The following RUNX1 variants were observed in gnomAD, a reference collection of about 807,000 sequenced individuals.
The protein encoded by RUNX1 is RUNX family transcription factor 1, also known as runt-related transcription factor 1.
RUNX1 carries 19 observed loss-of-function variants against 42.8 expected under a neutral mutation model. The observed-to-expected ratio is 0.44, with a 90% CI of 0.31 to 0.65. The LOEUF (loss-of-function observed/expected upper bound fraction) is 0.65. Ranked by LOEUF, RUNX1 falls within the 30% of genes least tolerant of loss-of-function variation. The probability of loss-of-function intolerance (pLI) is 0.07; values close to 1 mark genes in which losing one functional copy is unlikely to be tolerated. For missense variants in RUNX1, 528 were observed against 672.0 expected, an observed-to-expected ratio of 0.79 and a Z score of 2.37; for synonymous variants, 271 against 289.4, an observed-to-expected ratio of 0.94 and a Z score of 0.64.
chr21:34,942,859 C>A (rs1422968957), intron 2 of RUNX1, among the ~76,000 whole-genome samples: 1 of 152,192 alleles, frequency 6.6e-6, no homozygotes, highest in Non-Finnish European at 1.5e-5. Flanking sequence ...AGTGAGGCAG[C>A]AAGTGAGCTT....
chr21:34,918,127 C>CAAA (rs71324335), intron 2 of RUNX1, among the ~76,000 whole-genome samples: 1,976 of 70,682 alleles, frequency 0.028, 104 homozygotes, highest in African/African-American at 0.1. Flanking sequence ...GACTCTGTCT[C>CAAA]AAAAAAAAAA....
At position 34,792,010 on chromosome 21, in the gene RUNX1, C is replaced by T; in HGVS notation, c.*125G>A. The T allele has an allele frequency of 1.7e-6, 1 of 574,380 alleles. No homozygotes were observed. The highest frequency in any genetic ancestry group is 2.8e-6 in the Non-Finnish European group (1 of 358,510). The allele number at this position is 574,380 out of a possible 1,614,324, so 35.6% of individuals were successfully genotyped here. On this transcript the variant is annotated 3_prime_UTR_variant, in exon 9 of 9. Transcript: ENST00000675419. This position sits in a 1 kb window ranked among gnomAD's most constrained non-coding sequence, Gnocchi z 6.9. ...CGAGATCCTGGCCGTCGGGCGCCCT[C>T]GGCCCCAGGACGGTGGCCGGGCCCA... is the stretch of plus-strand genomic sequence containing the variant.
chr21:34,891,910 G>T (rs1423359456), intron 3 of RUNX1, among the ~76,000 whole-genome samples: 1 of 152,110 alleles, frequency 6.6e-6, no homozygotes, highest in African/African-American at 2.4e-5. Flanking sequence ...CAGTAACAGT[G>T]CATTGACGTT....
rs2057267523 is a variant in RUNX1 at position 34,843,229 on chromosome 21, A to G, written c.614-8628T>C. On this transcript the variant is annotated intron_variant, in intron 6 of 8. Coordinates refer to ENST00000675419, the MANE Select transcript of RUNX1 (RefSeq NM_001754.5). The surrounding 1 kb of genome is among the most constrained non-coding windows in gnomAD (Gnocchi z 4.8). ...CTGGACACACACACAGATATAAAAC[A>G]CACATGGGGATACACACATATAAAT... Among the ~76,000 whole-genome samples, 1 of 152,030 alleles carries G rather than the reference A, an allele frequency of 6.6e-6. No homozygotes were observed. Among genetic ancestry groups the G allele is most frequent in the African/African-American group, 2.4e-5 (1 of 41,386 alleles).
chr21:34,919,442 A>G (rs756458655), intron 2 of RUNX1, among the ~76,000 whole-genome samples: 6 of 152,070 alleles, frequency 3.9e-5, no homozygotes, highest in Non-Finnish European at 8.8e-5. Flanking sequence ...TTCTTGACCT[A>G]CTGACTTACT....
intron 2 of RUNX1, among the ~76,000 whole-genome samples, chr21:34,993,995 G>C (rs1006273043): frequency 6.6e-6 from 1 of 152,210 alleles, no homozygotes; most frequent in African/African-American, 2.4e-5. Flanking sequence ...CAAGCAAGTG[G>C]TTTTGGGGAA....
chr21:34,823,184 G>A (rs956103668), intron 7 of RUNX1, among the ~76,000 whole-genome samples: 5 of 152,226 alleles, frequency 3.3e-5, no homozygotes, highest in African/African-American at 9.7e-5. Flanking sequence ...CTGACTCAGC[G>A]AGGGCCTTGA....
chr21:35,031,070 C>T (rs529301513), intron 2 of RUNX1, among the ~76,000 whole-genome samples: 5 of 152,264 alleles, frequency 3.3e-5, no homozygotes, highest in East Asian at 1.9e-4. Context: ...AAGAGATGGC[C>T]GGGTGCGGTG....
In RUNX1 at chr21:34,888,710, G is replaced by A; in HGVS notation, c.98-1614C>T. Reference sequence around the variant, plus strand: ...TCTATGAATGAGAGTGCCTGGAAATGAACGTGCTTTTACTGTAAGCCCGGC... The same window carrying A: ...TCTATGAATGAGAGTGCCTGGAAATAAACGTGCTTTTACTGTAAGCCCGGC... On this transcript the variant is annotated intron_variant, in intron 3 of 8. Transcript: ENST00000675419. 4 of 1,032,688 alleles carry A rather than the reference G, an allele frequency of 3.9e-6. No individual in the cohort carries two copies. The South Asian group carries it at 1.8e-4, about 48-fold the overall frequency. The allele number at this position is 1,032,688 out of a possible 1,614,324, so 64.0% of individuals were successfully genotyped here. A position where few individuals can be genotyped will look rare whatever the true frequency, so the allele number is the denominator to read the frequency against.
chr21:34,919,927 C>G (rs950756317), intron 2 of RUNX1, among the ~76,000 whole-genome samples: 1 of 152,170 alleles, frequency 6.6e-6, no homozygotes. Context: ...TCCTTCCTCA[C>G]GGTAATTGAG....
At chr21:34,940,324 T>C (rs1034169189) in intron 2 of RUNX1, among the ~76,000 whole-genome samples, 1 of 152,192 alleles carries the variant, frequency 6.6e-6, no homozygotes, top group Non-Finnish European at 1.5e-5. Context: ...ATCTCCCAAG[T>C]GGTACACAGC....
At chr21:34,826,103 T>C (rs1056978516) in intron 7 of RUNX1, among the ~76,000 whole-genome samples, 2 of 152,232 alleles carry the variant, frequency 1.3e-5, no homozygotes, top group Non-Finnish European at 2.9e-5. Flanking sequence ...GAAACTAATA[T>C]ACTTGTGCTG....
At chr21:34,912,130 G>A (rs1172405621) in intron 2 of RUNX1, among the ~76,000 whole-genome samples, 1 of 150,950 alleles carries the variant, frequency 6.6e-6, no homozygotes, top group Non-Finnish European at 1.5e-5. Context: ...GAACTGAGTA[G>A]ATAGTCAACA....
At chr21:34,891,988 T>G (rs2058085422) in intron 3 of RUNX1, among the ~76,000 whole-genome samples, 1 of 152,234 alleles carries the variant, frequency 6.6e-6, no homozygotes, top group Admixed American at 6.5e-5. Context: ...TTTACCTTTT[T>G]GCTCTTTCAA....
At chr21:35,037,035 C>T (rs2059313567) in intron 2 of RUNX1, among the ~76,000 whole-genome samples, 2 of 152,088 alleles carry the variant, frequency 1.3e-5, no homozygotes. Flanking sequence ...ATACCTGGGA[C>T]ACAAAATTCA....
chr21:34,924,027 T>C (rs1037292614), intron 2 of RUNX1, among the ~76,000 whole-genome samples: 5 of 152,158 alleles, frequency 3.3e-5, no homozygotes, highest in African/African-American at 1.2e-4. Context: ...GTATTGACAT[T>C]TTTGTGTTTT....
intron 2 of RUNX1, among the ~76,000 whole-genome samples, chr21:34,999,460 G>A (rs186005456): frequency 2.0e-5 from 3 of 152,324 alleles, no homozygotes; most frequent in African/African-American, 7.2e-5. Context: ...GGAGACCTGC[G>A]CTTCCTGATT....
At chr21:34,991,197 A>G (rs1459050862) in intron 2 of RUNX1, among the ~76,000 whole-genome samples, 1 of 152,154 alleles carries the variant, frequency 6.6e-6, no homozygotes, top group Non-Finnish European at 1.5e-5. Flanking sequence ...CAGCTGCTTC[A>G]GGTTTTCTGA....
intron 2 of RUNX1, among the ~76,000 whole-genome samples, chr21:34,909,881 T>C (rs1162205372): frequency 6.6e-6 from 1 of 152,110 alleles, no homozygotes; most frequent in Non-Finnish European, 1.5e-5. Flanking sequence ...CTCCTCCAGT[T>C]CCTCTTTCCT....
Sources: gnomAD v4.1 joint callset for allele counts (sites outside exome capture counted in the v4.1 genomes callset) on GRCh38, gnomAD v4.1.1 for gene constraint, Gnocchi (gnomAD v3.1) non-coding constraint, MANE v1.5 for transcripts, NCBI Gene and HGNC (gene_info 2026-07-23, HGNC 2026-07-21) for gene names.